Variants in BCAS3 observed in about 807,000 individuals in gnomAD.
The protein encoded by BCAS3 is BCAS4/BCAS3 fusion.
A neutral mutation model predicts 116.1 loss-of-function variants in BCAS3; 53 were observed. The observed-to-expected ratio is 0.46, with a 90% CI of 0.37 to 0.57. The LOEUF is 0.57. BCAS3 is among the 20% of genes least tolerant of loss of function. The pLI is 0.00. For missense variants in BCAS3, 917 were observed against 1,165.4 expected, an observed-to-expected ratio of 0.79 and a Z score of 3.10; for synonymous variants, 391 against 408.2, an observed-to-expected ratio of 0.96 and a Z score of 0.51.
intron 22 of BCAS3, among the ~76,000 whole-genome samples, chr17:61,277,927 C>A (rs895958523): frequency 6.6e-6 from 1 of 152,242 alleles, no homozygotes. Flanking sequence ...CTTTAGCAAA[C>A]TGGCAATTTC....
At chr17:60,972,444 C>CT (rs150860541) in intron 14 of BCAS3, among the ~76,000 whole-genome samples, 7,081 of 114,028 alleles carry the variant, frequency 0.062, 438 homozygotes, top group African/African-American at 0.14. Flanking sequence ...CTCACTTGGC[C>CT]TTTTTTTTTT....
At chr17:61,000,420 A>T (rs986854638) in intron 15 of BCAS3, among the ~76,000 whole-genome samples, 2 of 152,146 alleles carry the variant, frequency 1.3e-5, no homozygotes, top group African/African-American at 4.8e-5. Context: ...TAACTCTGTA[A>T]TCTTAGACAA....
intron 7 of BCAS3, among the ~76,000 whole-genome samples, chr17:60,836,532 T>G (rs767651497): frequency 2.0e-5 from 3 of 151,990 alleles, no homozygotes; most frequent in Non-Finnish European, 2.9e-5. Flanking sequence ...TTTTAATATC[T>G]CCACATAGTT....
chr17:61,360,148 T>C (rs571334454), intron 22 of BCAS3, among the ~76,000 whole-genome samples: 1 of 152,074 alleles, frequency 6.6e-6, no homozygotes, highest in African/African-American at 2.4e-5. Context: ...GGACTACAGA[T>C]GCACGCCACC....
chr17:60,736,147 T>A (rs1272547804), intron 5 of BCAS3, among the ~76,000 whole-genome samples: 1 of 152,106 alleles, frequency 6.6e-6, no homozygotes, highest in Admixed American at 6.6e-5. Context: ...CAAGTGATCC[T>A]CCTGCCTTTG....
At chr17:60,756,306 T>A (rs2042979527) in intron 6 of BCAS3, among the ~76,000 whole-genome samples, 1 of 152,162 alleles carries the variant, frequency 6.6e-6, no homozygotes, top group South Asian at 2.1e-4. Context: ...ATGCTTGCTC[T>A]CCTAATGCTC....
At chr17:61,129,491 T>C (rs2076219423) in intron 22 of BCAS3, among the ~76,000 whole-genome samples, 1 of 152,232 alleles carries the variant, frequency 6.6e-6, no homozygotes, top group African/African-American at 2.4e-5. Flanking sequence ...TGATAAGTTT[T>C]GACAACTTGC....
chr17:61,191,730 G>A (rs953244242), intron 22 of BCAS3, among the ~76,000 whole-genome samples: 10 of 149,342 alleles, frequency 6.7e-5, no homozygotes, highest in Admixed American at 1.3e-4. Flanking sequence ...AGCCGAGATC[G>A]CACCATTGCA....
At chr17:61,335,872 G>A (rs1318882140) in intron 22 of BCAS3, among the ~76,000 whole-genome samples, 1 of 152,268 alleles carries the variant, frequency 6.6e-6, no homozygotes, top group Non-Finnish European at 1.5e-5. Flanking sequence ...AAGCACCAGA[G>A]TCTGAGCTGG....
chr17:61,015,691 A>G (rs769277240), intron 15 of BCAS3, 60 bp from the exon 16 acceptor site: 186 of 1,546,602 alleles, frequency 1.2e-4, no homozygotes, highest in Non-Finnish European at 1.6e-4. Context: ...TATCGGAGAT[A>G]GAGAACGGGA....
chr17:60,823,285 A>T (rs991439051), intron 7 of BCAS3, among the ~76,000 whole-genome samples: 5 of 152,088 alleles, frequency 3.3e-5, no homozygotes, highest in Non-Finnish European at 5.9e-5. Flanking sequence ...TTGTTGTTTG[A>T]TTTTACAGCA....
chr17:60,831,034 G>A (rs1238658684), intron 7 of BCAS3, among the ~76,000 whole-genome samples: 2 of 151,938 alleles, frequency 1.3e-5, no homozygotes, highest in African/African-American at 4.8e-5. Context: ...ACCAGACTCG[G>A]CTAGACGGGG....
chr17:61,298,410 C>T (rs1003992073), intron 22 of BCAS3, among the ~76,000 whole-genome samples: 10 of 152,140 alleles, frequency 6.6e-5, no homozygotes, highest in African/African-American at 2.4e-4. Context: ...CATCTAGAGA[C>T]TGCATTTCTC....
intron 5 of BCAS3, among the ~76,000 whole-genome samples, chr17:60,713,404 G>A (rs1427309864): frequency 6.6e-6 from 1 of 152,076 alleles, no homozygotes; most frequent in African/African-American, 2.4e-5. Flanking sequence ...TAGACAGTGG[G>A]GAGCCTATGT....
intron 19 of BCAS3, among the ~76,000 whole-genome samples, chr17:61,072,204 A>C (rs1373240746): frequency 6.6e-6 from 1 of 152,146 alleles, no homozygotes; most frequent in Non-Finnish European, 1.5e-5. Flanking sequence ...GGCAGAGAGG[A>C]TCTTTCTCCC....
intron 7 of BCAS3, among the ~76,000 whole-genome samples, chr17:60,836,835 A>G (rs549652332): frequency 9.2e-5 from 14 of 152,176 alleles, no homozygotes; most frequent in Non-Finnish European, 1.9e-4. Flanking sequence ...GTTTTATACT[A>G]CTTCATGTTA....
At chr17:61,168,794 A>G (rs757086983) in intron 22 of BCAS3, among the ~76,000 whole-genome samples, 1 of 152,326 alleles carries the variant, frequency 6.6e-6, no homozygotes, top group South Asian at 2.1e-4. Flanking sequence ...CTTATACCTT[A>G]TGTTATCATT....
chr17:61,303,985 T>C (rs551762623), intron 22 of BCAS3, among the ~76,000 whole-genome samples: 1 of 152,334 alleles, frequency 6.6e-6, no homozygotes, highest in South Asian at 2.1e-4. Context: ...TGTCATTATT[T>C]TCTGAATCCC....
rs567632063 is a variant in BCAS3 at position 61,326,739 on chromosome 17, A to G, written c.2426-41588A>G. 1.4e-4 allele frequency among the ~76,000 whole-genome samples: 21 copies of G among 152,248 alleles called. No homozygotes were observed. The highest frequency in any genetic ancestry group is 4.8e-4 in the African/African-American group (20 of 41,548). ...GGAGGAGGAGGCTTGGATACATTACATTTCCAGTGGATTTGAAGATGTTAA... is the reference window on the plus strand; with the variant it reads ...GGAGGAGGAGGCTTGGATACATTACGTTTCCAGTGGATTTGAAGATGTTAA... On this transcript the variant is annotated intron_variant, in intron 22 of 23. Transcript: ENST00000407086. The surrounding 1 kb of genome is among the most constrained non-coding windows in gnomAD (Gnocchi z 5.3).
Sources: allele counts gnomAD v4.1 joint callset (sites outside exome capture counted in the v4.1 genomes callset), GRCh38; gene constraint gnomAD v4.1.1; non-coding constraint Gnocchi (gnomAD v3.1); transcripts MANE v1.5; gene names NCBI Gene and HGNC (gene_info 2026-07-23, HGNC 2026-07-21).